The following RNF38 variants were observed in gnomAD, a reference collection of about 807,000 sequenced individuals.
The protein encoded by RNF38 is ring finger protein 38.
In RNF38, 15 loss-of-function variants were observed where a neutral mutation model predicts 67.2. That is an observed-to-expected ratio of 0.22 (90% CI 0.15 to 0.34). The LOEUF (loss-of-function observed/expected upper bound fraction) is 0.34, where lower values mean the gene tolerates loss of function less well. RNF38 is among the 10% of genes least tolerant of loss of function. The probability of loss-of-function intolerance (pLI) is 1.00; values close to 1 mark genes in which losing one functional copy is unlikely to be tolerated. For missense variants in RNF38, 524 were observed against 639.9 expected, an observed-to-expected ratio of 0.82 and a Z score of 1.95; for synonymous variants, 220 against 218.8, an observed-to-expected ratio of 1.01 and a Z score of -0.05.
chr9:36,462,577 G>C (rs190202578), intron 1 of RNF38, among the ~76,000 whole-genome samples: 2 of 152,076 alleles, frequency 1.3e-5, no homozygotes, highest in African/African-American at 4.8e-5. Flanking sequence ...ACACTTTTGC[G>C]TCAGGGCTTC....
intron 9 of RNF38, among the ~76,000 whole-genome samples, chr9:36,345,156 A>ACAATTG (rs1217906449): frequency 1.3e-5 from 2 of 152,290 alleles, no homozygotes; most frequent in African/African-American, 4.8e-5. Context: ...ATCTGGAGCT[A>ACAATTG]CAATTGCGTA....
At chr9:36,458,964 C>T (rs141393348) in intron 1 of RNF38, among the ~76,000 whole-genome samples, 3,284 of 152,174 alleles carry the variant, frequency 0.022, 102 homozygotes, top group African/African-American at 0.07. Flanking sequence ...AATCCCAGCA[C>T]TTTGGGAGGC....
chr9:36,483,658 C>A (rs1840332910), intron 1 of RNF38, among the ~76,000 whole-genome samples: 2 of 152,200 alleles, frequency 1.3e-5, no homozygotes, highest in South Asian at 4.1e-4. Flanking sequence ...ACCATAGGTT[C>A]AGACGGCTGA....
chr9:36,341,893 T>C, intron 11 of RNF38, among the ~76,000 whole-genome samples: 1 of 75,572 alleles, frequency 1.3e-5, no homozygotes, highest in Middle Eastern at 7.0e-3. Flanking sequence ...AATTTCACTC[T>C]GGCATAGCCA....
At chr9:36,362,301 T>A (rs568858212) in intron 4 of RNF38, among the ~76,000 whole-genome samples, 1 of 151,002 alleles carries the variant, frequency 6.6e-6, no homozygotes, top group East Asian at 2.0e-4. Context: ...GAGGTTGCAG[T>A]GAGCCAAGAT....
intron 1 of RNF38, among the ~76,000 whole-genome samples, chr9:36,443,634 A>G (rs1347114432): frequency 6.6e-6 from 1 of 152,188 alleles, no homozygotes; most frequent in Non-Finnish European, 1.5e-5. Context: ...CCATCAAACC[A>G]TATAGACCAG....
chr9:36,346,936 G>A (rs560746846), intron 9 of RNF38, among the ~76,000 whole-genome samples: 1 of 152,054 alleles, frequency 6.6e-6, no homozygotes, highest in Non-Finnish European at 1.5e-5. Context: ...TGGTCAACAC[G>A]GTGAAACCCC....
rs1834729241 is a variant in RNF38, at chr9:36,363,677, C to G, written c.571-5735G>C. Among the ~76,000 whole-genome samples the G allele has an allele frequency of 2.0e-5, 2 of 99,514 alleles. 1 individual carries two copies. The highest frequency in any genetic ancestry group is 6.0e-5 in the African/African-American group (2 of 33,084). 65.3% of individuals were successfully genotyped at this position (99,514 alleles called of 152,430 possible). ...TGTTGTACTAACATCATAGAGTGTA[C>G]TTATACAAACCAAGATGGCAGAGAG... On this transcript the variant is annotated intron_variant, in intron 4 of 11. Transcript: ENST00000259605.
chr9:36,483,469 G>A (rs1564080902), intron 1 of RNF38, among the ~76,000 whole-genome samples: 1 of 152,096 alleles, frequency 6.6e-6, no homozygotes, highest in Non-Finnish European at 1.5e-5. Flanking sequence ...AAGACAAACA[G>A]GCACTTCACA....
intron 1 of RNF38, among the ~76,000 whole-genome samples, chr9:36,391,431 A>C (rs1212287627): frequency 6.6e-6 from 1 of 152,016 alleles, no homozygotes; most frequent in African/African-American, 2.4e-5. Context: ...CTGTGCTGTG[A>C]CAGTGAATTC....
intron 1 of RNF38, among the ~76,000 whole-genome samples, chr9:36,477,169 A>C (rs898934098): frequency 9.2e-5 from 14 of 151,412 alleles, no homozygotes; most frequent in African/African-American, 3.2e-4. Context: ...TAAAAATACA[A>C]AAAAATTAGC....
intron 2 of RNF38, among the ~76,000 whole-genome samples, chr9:36,378,604 T>G (rs1032668126): frequency 6.6e-6 from 1 of 152,232 alleles, no homozygotes; most frequent in African/African-American, 2.4e-5. Context: ...CTTTGAATTC[T>G]AAAAATTCAC....
intron 6 of RNF38, 128 bp downstream of exon 6, chr9:36,356,175 A>G (rs1163983385): frequency 2.4e-5 from 21 of 886,588 alleles, no homozygotes; most frequent in Middle Eastern, 6.1e-4. Context: ...ATGCCATTTA[A>G]ACATAGTAAC....
chr9:36,464,484 T>C (rs566765317), intron 1 of RNF38, among the ~76,000 whole-genome samples: 100 of 152,058 alleles, frequency 6.6e-4, no homozygotes, highest in African/African-American at 2.2e-3. Flanking sequence ...GGCAGGAGAA[T>C]TGCTTGAACC....
intron 3 of RNF38, among the ~76,000 whole-genome samples, chr9:36,371,443 C>CTTT (rs537986184): frequency 2.0e-4 from 26 of 131,534 alleles, no homozygotes; most frequent in Non-Finnish European, 2.8e-4. Flanking sequence ...GGACTAAAAG[C>CTTT]TTTTTTTTTT....
At chr9:36,385,918 C>T (rs1836593493) in intron 2 of RNF38, among the ~76,000 whole-genome samples, 1 of 152,208 alleles carries the variant, frequency 6.6e-6, no homozygotes, top group African/African-American at 2.4e-5. Context: ...CCGACTACCA[C>T]TTCTTCAAGC....
intron 1 of RNF38, among the ~76,000 whole-genome samples, chr9:36,449,239 T>G (rs1839379103): frequency 6.6e-6 from 1 of 152,018 alleles, no homozygotes; most frequent in Admixed American, 6.6e-5. Context: ...GAGACCAGCC[T>G]GAGTAACACA....
At chr9:36,481,561 A>G (rs899116987) in intron 1 of RNF38, among the ~76,000 whole-genome samples, 2 of 152,246 alleles carry the variant, frequency 1.3e-5, no homozygotes, top group Admixed American at 6.5e-5. Flanking sequence ...TTTTTAACAT[A>G]TAATTTCTTT....
At chr9:36,479,661 T>G (rs1011635008) in intron 1 of RNF38, among the ~76,000 whole-genome samples, 2 of 152,128 alleles carry the variant, frequency 1.3e-5, no homozygotes, top group African/African-American at 4.8e-5. Context: ...TAACCAGTGG[T>G]TGGTATTGGC....
Sources: gnomAD v4.1 joint callset for allele counts (sites outside exome capture counted in the v4.1 genomes callset) on GRCh38, gnomAD v4.1.1 for gene constraint, MANE v1.5 for transcripts, NCBI Gene and HGNC (gene_info 2026-07-23, HGNC 2026-07-21) for gene names.